SATB2: variants seen among roughly 807,000 people sequenced by gnomAD.
SATB2 encodes DNA-binding protein SATB2.
In SATB2, 1 loss-of-function variant was observed where a neutral mutation model predicts 73.4. The ratio of observed to expected loss-of-function variants is 0.01; its 90% confidence interval spans 0.00 to 0.06. The LOEUF is 0.06. SATB2 is among the 10% of genes least tolerant of loss of function. The pLI is 1.00. For missense variants in SATB2, 459 were observed against 945.8 expected, an observed-to-expected ratio of 0.49 and a Z score of 6.75; for synonymous variants, 397 against 367.0, an observed-to-expected ratio of 1.08 and a Z score of -0.93.
chr2:199,353,148 C>CTTT (rs11369554), intron 6 of SATB2, among the ~76,000 whole-genome samples: 10,576 of 87,972 alleles, frequency 0.12, 1,495 homozygotes, highest in South Asian at 0.29. Context: ...ACGTTTTTGT[C>CTTT]TTTTTTTTTT....
chr2:199,454,936 T>G (rs977820866), intron 2 of SATB2, among the ~76,000 whole-genome samples: 1 of 152,162 alleles, frequency 6.6e-6, no homozygotes, highest in Non-Finnish European at 1.5e-5. Flanking sequence ...TTGAAATTAT[T>G]AGAGAAAAAA....
chr2:199,355,370 A>ATATC (rs1688951600), intron 6 of SATB2, among the ~76,000 whole-genome samples: 1 of 113,570 alleles, frequency 8.8e-6, no homozygotes, highest in African/African-American at 2.9e-5. Flanking sequence ...ATATATATAT[A>ATATC]TATATAGTCT....
At chr2:199,299,943 T>G (rs540779694) in intron 10 of SATB2, among the ~76,000 whole-genome samples, 1 of 152,246 alleles carries the variant, frequency 6.6e-6, no homozygotes, top group Admixed American at 6.5e-5. Context: ...TACCTCAATT[T>G]TAGTTTAGAT....
chr2:199,444,281 T>C (rs1400404115), intron 2 of SATB2, among the ~76,000 whole-genome samples: 1 of 152,136 alleles, frequency 6.6e-6, no homozygotes, highest in Non-Finnish European at 1.5e-5. Context: ...AAAGAGTTAT[T>C]CCACTTTTTA....
intron 7 of SATB2, among the ~76,000 whole-genome samples, chr2:199,344,062 CT>C (rs1688581437): frequency 6.6e-6 from 1 of 152,162 alleles, no homozygotes. Flanking sequence ...CATTGTGAGT[CT>C]TCTCTCATGC....
At chr2:199,470,150 C>A (rs990214082) in intron 1 of SATB2, 1 of 152,400 alleles carries the variant, frequency 6.6e-6, no homozygotes, top group Non-Finnish European at 1.5e-5. Flanking sequence ...CCCAGTCGGG[C>A]AAGAAAGTCT....
At chr2:199,418,814 A>G (rs1373288611) in intron 3 of SATB2, among the ~76,000 whole-genome samples, 2 of 152,180 alleles carry the variant, frequency 1.3e-5, no homozygotes, top group African/African-American at 4.8e-5. Context: ...AATCAGATGC[A>G]AAAGAGACTA....
intron 7 of SATB2, among the ~76,000 whole-genome samples, chr2:199,331,608 C>T (rs1003433584): frequency 3.9e-5 from 6 of 152,100 alleles, no homozygotes; most frequent in Non-Finnish European, 4.4e-5. Flanking sequence ...CTGGTGGGCA[C>T]AAGAAGAGTT....
At chr2:199,386,812 A>T (rs1266846443) in intron 3 of SATB2, among the ~76,000 whole-genome samples, 1 of 150,512 alleles carries the variant, frequency 6.6e-6, no homozygotes, top group Non-Finnish European at 1.5e-5. Flanking sequence ...ATGCATGGCA[A>T]TTTCCATTTT....
chr2:199,321,438 G>A (rs1687886524), intron 9 of SATB2, among the ~76,000 whole-genome samples: 1 of 149,744 alleles, frequency 6.7e-6, no homozygotes, highest in African/African-American at 2.5e-5. Flanking sequence ...ATATATCTCA[G>A]TCTCATATAT....
chr2:199,387,256 G>A lies in SATB2; in HGVS notation c.347-5436C>T, dbSNP rs143866114. Among the ~76,000 whole-genome samples, 25 of 152,200 alleles carry A rather than the reference G, an allele frequency of 1.6e-4. No individual in the cohort carries two copies. In the East Asian group the frequency reaches 3.9e-3, roughly 24 times the overall value. ...ATCCTTTCTGCTCAGCTCTGCTACC[G>A]ATGCCCTGAGGATGTACCCACGTCC... On this transcript the variant is annotated intron_variant, in intron 3 of 10. Transcript: ENST00000417098.
At chr2:199,345,359 G>A (rs1688619613) in intron 7 of SATB2, among the ~76,000 whole-genome samples, 1 of 151,710 alleles carries the variant, frequency 6.6e-6, no homozygotes, top group Non-Finnish European at 1.5e-5. Context: ...TGCCATGTTG[G>A]TGTGCTGCAC....
In SATB2 at chr2:199,405,086, G is replaced by C. The variant is rs1027239897; in HGVS notation, c.347-23266C>G. ...ATACCACAGAATGTACCCAGAACTA[G>C]GGTTGTCCCAGTTCAAATGAGACTA... On this transcript the variant is annotated intron_variant, in intron 3 of 10. Coordinates refer to ENST00000417098, the MANE Select transcript of SATB2 (RefSeq NM_001172509.2). 2.0e-5 allele frequency among the ~76,000 whole-genome samples: 3 copies of C among 152,154 alleles called. No homozygotes were observed. The East Asian group carries it at 5.8e-4, about 29-fold the overall frequency.
Position 199,374,932 on chromosome 2 carries a change from C to A in SATB2, c.597+5432G>T, listed in dbSNP as rs1689554918. Among the ~76,000 whole-genome samples, 3 of 151,612 alleles carry A rather than the reference C, an allele frequency of 2.0e-5. No homozygotes were observed. The South Asian group carries it at 6.3e-4, about 32-fold the overall frequency. On this transcript the variant is annotated intron_variant, in intron 5 of 10. Coordinates refer to ENST00000417098, the MANE Select transcript of SATB2 (RefSeq NM_001172509.2). ...TGAGCTGAGATCATGCCACTGTACTCCAGCCTGGGCAACCCAGGGAGACTC... is the reference window on the plus strand; with the variant it reads ...TGAGCTGAGATCATGCCACTGTACTACAGCCTGGGCAACCCAGGGAGACTC...
chr2:199,427,505 G>T (rs1691372103), intron 3 of SATB2, among the ~76,000 whole-genome samples: 1 of 151,890 alleles, frequency 6.6e-6, no homozygotes, highest in Non-Finnish European at 1.5e-5. Context: ...ACAGTATTGT[G>T]GTTTATGTTT....
At chr2:199,300,908 A>G (rs1687270312) in intron 10 of SATB2, among the ~76,000 whole-genome samples, 1 of 152,014 alleles carries the variant, frequency 6.6e-6, no homozygotes, top group Non-Finnish European at 1.5e-5. Context: ...CTGAATGTTG[A>G]ATTTGGAAGG....
intron 3 of SATB2, among the ~76,000 whole-genome samples, chr2:199,412,037 T>C (rs1216723036): frequency 6.6e-6 from 1 of 152,068 alleles, no homozygotes; most frequent in Non-Finnish European, 1.5e-5. Flanking sequence ...AATTCAGCTC[T>C]GAAGGAGGGT....
At chr2:199,333,528 A>G (rs1288933653) in intron 7 of SATB2, among the ~76,000 whole-genome samples, 1 of 152,140 alleles carries the variant, frequency 6.6e-6, no homozygotes. Context: ...ATTTGAAGAA[A>G]GCAAGCACAT....
intron 6 of SATB2, among the ~76,000 whole-genome samples, chr2:199,367,970 T>G (rs1373635627): frequency 2.0e-5 from 3 of 152,118 alleles, no homozygotes; most frequent in African/African-American, 4.8e-5. Flanking sequence ...CTATTAATTA[T>G]TAGTAGTAGT....
Sources: gnomAD v4.1 joint callset for allele counts (sites outside exome capture counted in the v4.1 genomes callset) on GRCh38, gnomAD v4.1.1 for gene constraint, MANE v1.5 for transcripts, NCBI Gene and HGNC (gene_info 2026-07-23, HGNC 2026-07-21) for gene names.